FHIT: variants seen among roughly 807,000 people sequenced by gnomAD.
FHIT encodes fragile histidine triad diadenosine triphosphatase, also known as bis(5'-adenosyl)-triphosphatase.
A neutral mutation model predicts 17.9 loss-of-function variants in FHIT; 19 were observed. The ratio of observed to expected loss-of-function variants is 1.06; its 90% CI spans 0.74 to 1.56. The LOEUF (loss-of-function observed/expected upper bound fraction) is 1.56, where lower values mean the gene tolerates loss of function less well. Ranked by LOEUF, FHIT falls within the 40% of genes most tolerant of loss-of-function variation. The probability of loss-of-function intolerance (pLI) is 0.00; values close to 1 mark genes in which losing one functional copy is unlikely to be tolerated. For missense variants in FHIT, 248 were observed against 189.2 expected, an observed-to-expected ratio of 1.31 and a Z score of -1.82; for synonymous variants, 81 against 69.7, an observed-to-expected ratio of 1.16 and a Z score of -0.81.
intron 5 of FHIT, among the ~76,000 whole-genome samples, chr3:60,203,549 C>CA (rs1350548082): frequency 1.3e-5 from 2 of 152,004 alleles, no homozygotes; most frequent in Non-Finnish European, 2.9e-5. Context: ...ATAGTTTTGA[C>CA]AAAAAAGATT....
intron 4 of FHIT, among the ~76,000 whole-genome samples, chr3:60,638,767 T>C (rs2039653195): frequency 6.6e-6 from 1 of 151,822 alleles, no homozygotes; most frequent in Non-Finnish European, 1.5e-5. Context: ...AAGAAACGTG[T>C]TTAAGAATGA....
chr3:60,509,912 T>C (rs2034882674), intron 5 of FHIT, among the ~76,000 whole-genome samples: 1 of 152,212 alleles, frequency 6.6e-6, no homozygotes, highest in Admixed American at 6.5e-5. Context: ...TAAAGAAACC[T>C]TGCTACCGTC....
At chr3:60,199,327 T>C (rs1702791505) in intron 5 of FHIT, among the ~76,000 whole-genome samples, 1 of 152,172 alleles carries the variant, frequency 6.6e-6, no homozygotes, top group African/African-American at 2.4e-5. Context: ...ATCTATTATA[T>C]AAAATTTTGT....
At chr3:60,879,853 A>T (rs1704870537) in intron 3 of FHIT, among the ~76,000 whole-genome samples, 1 of 151,838 alleles carries the variant, frequency 6.6e-6, no homozygotes, top group African/African-American at 2.4e-5. Flanking sequence ...AAAAAAAAAT[A>T]AGAAAGAAAA....
At chr3:61,081,376 C>T (rs1403230792) in intron 2 of FHIT, among the ~76,000 whole-genome samples, 1 of 152,164 alleles carries the variant, frequency 6.6e-6, no homozygotes, top group African/African-American at 2.4e-5. Context: ...AGCTATATTC[C>T]TAACTGGTCA....
At chr3:61,025,998 T>C (rs1314897859) in intron 3 of FHIT, among the ~76,000 whole-genome samples, 2 of 152,160 alleles carry the variant, frequency 1.3e-5, no homozygotes, top group Admixed American at 1.3e-4. Flanking sequence ...GCACAAAAAT[T>C]TATTGGTACA....
chr3:60,118,489 G>A (rs913893087), intron 5 of FHIT, among the ~76,000 whole-genome samples: 3 of 151,806 alleles, frequency 2.0e-5, no homozygotes, highest in Non-Finnish European at 2.9e-5. Context: ...TCTGAATGAT[G>A]GAATATGTCA....
intron 8 of FHIT, among the ~76,000 whole-genome samples, chr3:59,783,252 C>T (rs1008610935): frequency 9.9e-5 from 15 of 152,162 alleles, no homozygotes; most frequent in African/African-American, 3.4e-4. Context: ...GGGAAGATCA[C>T]GAGGTCAAGA....
rs150829061 is a variant in FHIT, at chr3:60,381,592, G to C, written c.103+155268C>G. On this transcript the variant is annotated intron_variant, in intron 5 of 9. Transcript: ENST00000492590. The stretch of plus-strand genomic sequence containing the variant: ...ATAATATTTCAAAGAACAGGAAAGA[G>C]AACATATTTAAAAGTATATATCTGC... 2.4e-4 allele frequency among the ~76,000 whole-genome samples: 36 copies of C among 152,224 alleles called. No homozygotes were observed. The East Asian group carries it at 6.8e-3, about 29-fold the overall frequency.
intron 5 of FHIT, among the ~76,000 whole-genome samples, chr3:60,389,674 T>G (rs1701146589): frequency 6.6e-6 from 1 of 152,212 alleles, no homozygotes; most frequent in African/African-American, 2.4e-5. Context: ...TATATTTATG[T>G]GCCAAGTATG....
intron 3 of FHIT, among the ~76,000 whole-genome samples, chr3:61,003,950 G>C (rs1291029086): frequency 6.6e-6 from 1 of 152,178 alleles, no homozygotes; most frequent in Non-Finnish European, 1.5e-5. Flanking sequence ...TGCTCTGTGA[G>C]TGTACTTGTG....
At chr3:61,134,130 C>CACACACACACACACACACACAA (rs1200290794) in intron 2 of FHIT, among the ~76,000 whole-genome samples, 1 of 151,410 alleles carries the variant, frequency 6.6e-6, no homozygotes, top group African/African-American at 2.4e-5. Context: ...CACACACACA[C>CACACACACACACACACACACAA]AAAGAGGTCA....
intron 5 of FHIT, among the ~76,000 whole-genome samples, chr3:60,497,332 G>T (rs945184657): frequency 2.6e-5 from 4 of 152,190 alleles, no homozygotes; most frequent in African/African-American, 9.7e-5. Context: ...GAAAAGATCT[G>T]AAGCATGTAT....
intron 5 of FHIT, among the ~76,000 whole-genome samples, chr3:60,123,999 TATATATATATAGAGAGAGAGAGAGAGAG>T (rs1559653608): frequency 1.2e-3 from 36 of 30,904 alleles, no homozygotes; most frequent in African/African-American, 4.7e-3. Context: ...TATATATATA[TATATATATATAGAGAGAGAGAGAGAGAG>T]AGAGAGAGAG....
intron 5 of FHIT, among the ~76,000 whole-genome samples, chr3:60,275,981 T>C (rs1043716249): frequency 7.6e-6 from 1 of 131,624 alleles, no homozygotes; most frequent in African/African-American, 2.9e-5. Context: ...TTTGAGAATT[T>C]GTTTTTGCAA....
At chr3:60,448,675 T>C (rs539359970) in intron 5 of FHIT, among the ~76,000 whole-genome samples, 50 of 152,296 alleles carry the variant, frequency 3.3e-4, no homozygotes, top group Middle Eastern at 3.4e-3. Flanking sequence ...CTGGACAGCA[T>C]TGATCATTTT....
intron 4 of FHIT, among the ~76,000 whole-genome samples, chr3:60,788,306 AT>A (rs1339798593): frequency 2.0e-5 from 3 of 152,144 alleles, no homozygotes; most frequent in South Asian, 2.1e-4. Context: ...AACAAAAAAA[AT>A]ATTGTAATCA....
chr3:60,076,216 T>C (rs1702999555), intron 5 of FHIT, among the ~76,000 whole-genome samples: 1 of 152,084 alleles, frequency 6.6e-6, no homozygotes, highest in Admixed American at 6.6e-5. Context: ...CTCTTCCCTT[T>C]TCCACATCCA....
intron 4 of FHIT, among the ~76,000 whole-genome samples, chr3:60,614,666 A>G (rs1300055010): frequency 2.0e-5 from 3 of 152,088 alleles, no homozygotes; most frequent in Non-Finnish European, 4.4e-5. Context: ...TGTGTATTCT[A>G]TTTGGACATT....
Sources: gnomAD v4.1 joint callset for allele counts (sites outside exome capture counted in the v4.1 genomes callset) on GRCh38, gnomAD v4.1.1 for gene constraint, MANE v1.5 for transcripts, NCBI Gene and HGNC (gene_info 2026-07-23, HGNC 2026-07-21) for gene names.